The following TRIM14 variants were observed in gnomAD, a reference collection of about 807,000 sequenced individuals.
TRIM14 encodes tripartite motif containing 14.
In TRIM14, 28 loss-of-function variants were observed where a neutral mutation model predicts 44.5. The observed-to-expected ratio is 0.63, with a 90% CI of 0.47 to 0.86. The LOEUF (loss-of-function observed/expected upper bound fraction) is 0.86. Ranked by LOEUF, TRIM14 falls within the 40% of genes least tolerant of loss-of-function variation. The probability of loss-of-function intolerance (pLI) is 0.00; values close to 1 mark genes in which losing one functional copy is unlikely to be tolerated. For missense variants in TRIM14, 607 were observed against 611.1 expected (o/e 0.99, Z 0.07); for synonymous variants, 299 against 269.2 (o/e 1.11, Z -1.08).
At chr9:98,057,070 G>A in the TRIM14 span, 994 of 1,287,228 alleles carry the variant, frequency 7.7e-4, 2 homozygotes, top group South Asian at 2.7e-3. Flanking sequence ...CGCCAGTTCC[G>A]TTTTCGGAAT....
chr9:98,109,841 G>T, intron 2 of TRIM14, 48 bp downstream of exon 2: 1 of 1,493,962 alleles, frequency 6.7e-7, no homozygotes. Context: ...TTTGTCTGGG[G>T]GGAAATGTGG....
chr9:98,116,676 A>T (rs1827064379), intron 1 of TRIM14, among the ~76,000 whole-genome samples: 1 of 151,756 alleles, frequency 6.6e-6, no homozygotes. Flanking sequence ...GTCTCTACAA[A>T]AAAAATACAA....
At chr9:98,062,249 G>A in the TRIM14 span, among the ~76,000 whole-genome samples, 1 of 151,886 alleles carries the variant, frequency 6.6e-6, no homozygotes, top group African/African-American at 2.4e-5. Flanking sequence ...CCACAGTTCT[G>A]GAGTCCGCTC....
chr9:98,087,174 T>G lies in TRIM14; in HGVS notation c.*296A>C. On this transcript the variant is annotated 3_prime_UTR_variant, in exon 6 of 6. Transcript: ENST00000341469. ...ATGATGTATTCAGGATGCTGAGGGC[T>G]TACCTGTGGGGGTATCACTTTGAAG... 1.5e-6 allele frequency: 1 copy of G among 688,940 alleles called. No individual in the cohort carries two copies. The highest frequency in any genetic ancestry group is 1.5e-5 in the South Asian group (1 of 67,440). The allele number at this position is 688,940 out of a possible 1,614,324, so 42.7% of individuals were successfully genotyped here. A position where few individuals can be genotyped will look rare whatever the true frequency, so the allele number is the denominator to read the frequency against.
chr9:98,109,774 C>T, intron 2 of TRIM14, 115 bp downstream of exon 2: 2 of 800,986 alleles, frequency 2.5e-6, no homozygotes, highest in South Asian at 1.6e-5. Context: ...CCAGGCCCCA[C>T]CATCTGCCCC....
At chr9:98,042,293 GAAA>G in the TRIM14 span, among the ~76,000 whole-genome samples, 1 of 125,986 alleles carries the variant, frequency 7.9e-6, no homozygotes, top group Admixed American at 8.3e-5. Context: ...ACTCTGTCTG[GAAA>G]AAAAAAAAAA....
At chr9:98,092,421 G>A (rs1196365962) in intron 4 of TRIM14, 1 of 314,550 alleles carries the variant, frequency 3.2e-6, no homozygotes, top group Non-Finnish European at 6.5e-6. Flanking sequence ...CCTCTGCCTG[G>A]ACAGCCCCCC....
intron 2 of TRIM14, among the ~76,000 whole-genome samples, chr9:98,107,911 G>C (rs1256788498): frequency 6.6e-6 from 1 of 151,828 alleles, no homozygotes; most frequent in African/African-American, 2.4e-5. Context: ...CAAATGATCT[G>C]CCTGCCTCAG....
the TRIM14 span, among the ~76,000 whole-genome samples, chr9:98,039,871 C>G: frequency 1.3e-5 from 2 of 152,108 alleles, no homozygotes; most frequent in Non-Finnish European, 2.9e-5. Flanking sequence ...CTCCAGCCTC[C>G]CGCACAGCCG....
chr9:98,047,828 G>C, the TRIM14 span, among the ~76,000 whole-genome samples: 1 of 151,946 alleles, frequency 6.6e-6, no homozygotes, highest in Non-Finnish European at 1.5e-5. Flanking sequence ...CACTTTGAGG[G>C]GGTCAAGGCA....
intron 6 of TRIM14, among the ~76,000 whole-genome samples, chr9:98,077,838 A>G (rs535521895): frequency 6.6e-6 from 1 of 152,304 alleles, no homozygotes; most frequent in Admixed American, 6.5e-5. Flanking sequence ...TCCACACCTC[A>G]CATTCATTCA....
At chr9:98,048,223 G>A in the TRIM14 span, among the ~76,000 whole-genome samples, 1 of 152,054 alleles carries the variant, frequency 6.6e-6, no homozygotes, top group Non-Finnish European at 1.5e-5. Context: ...CTTGTTCATA[G>A]CATTTCTCCT....
Position 98,104,283 on chromosome 9 carries a change from C to T in TRIM14, c.304-4119G>A, listed in dbSNP as rs149963507. Among the ~76,000 whole-genome samples, 294 of 152,260 alleles carry T rather than the reference C, an allele frequency of 1.9e-3. 3 individuals are homozygous for T. The highest frequency in any genetic ancestry group is 0.014 in the Middle Eastern group (4 of 294). On this transcript the variant is annotated intron_variant, in intron 2 of 5. Coordinates refer to ENST00000341469, the MANE Select transcript of TRIM14 (RefSeq NM_014788.4). ...GATTTATGAACACATGTTGAAGCAACGTAAGTACACAGAGGACCTTTGCAG... is the reference window on the plus strand; with the variant it reads ...GATTTATGAACACATGTTGAAGCAATGTAAGTACACAGAGGACCTTTGCAG...
At chr9:98,097,386 C>T (rs1272041205) in intron 3 of TRIM14, among the ~76,000 whole-genome samples, 1 of 152,168 alleles carries the variant, frequency 6.6e-6, no homozygotes, top group Non-Finnish European at 1.5e-5. Flanking sequence ...CTGTCAAGCT[C>T]TCACATGTAC....
At chr9:98,104,020 T>C (rs1035636118) in intron 2 of TRIM14, among the ~76,000 whole-genome samples, 1 of 152,122 alleles carries the variant, frequency 6.6e-6, no homozygotes, top group Non-Finnish European at 1.5e-5. Flanking sequence ...ATGAGTTCTC[T>C]AAATCTGTGT....
chr9:98,079,741 C>T (rs1829767450), downstream of TRIM14, among the ~76,000 whole-genome samples: 2 of 152,204 alleles, frequency 1.3e-5, no homozygotes, highest in Admixed American at 1.3e-4. Flanking sequence ...AAGGTGCTGT[C>T]ATGTCCTCTC....
At chr9:98,042,188 G>T in the TRIM14 span, among the ~76,000 whole-genome samples, 1 of 151,296 alleles carries the variant, frequency 6.6e-6, no homozygotes, top group Non-Finnish European at 1.5e-5. Context: ...AGCTACTCGG[G>T]AGGCTGAGGC....
chr9:98,081,046 G>C (rs753009462), downstream of TRIM14: 4 of 1,614,166 alleles, frequency 2.5e-6, no homozygotes, highest in Non-Finnish European at 3.4e-6. Flanking sequence ...CCCCAACCAA[G>C]CAGCTGCTGC....
intron 3 of TRIM14, among the ~76,000 whole-genome samples, chr9:98,097,420 C>T (rs553342434): frequency 1.3e-5 from 2 of 152,240 alleles, no homozygotes; most frequent in South Asian, 2.1e-4. Flanking sequence ...GTCCTCTCTG[C>T]GTCCTCTCTA....
Sources: allele counts gnomAD v4.1 joint callset (sites outside exome capture counted in the v4.1 genomes callset), GRCh38; gene constraint gnomAD v4.1.1; transcripts MANE v1.5; gene names NCBI Gene and HGNC (gene_info 2026-07-23, HGNC 2026-07-21).